DVL2: variants seen among roughly 807,000 people sequenced by gnomAD.
DVL2 encodes the protein dishevelled segment polarity protein 2, also known as segment polarity protein dishevelled homolog DVL-2.
A neutral mutation model predicts 69.8 loss-of-function variants in DVL2; 38 were observed. The ratio of observed to expected loss-of-function variants is 0.54; its 90% confidence interval spans 0.42 to 0.71. The LOEUF (loss-of-function observed/expected upper bound fraction) is 0.71. Among genes scored for constraint, DVL2 ranks in the 30% least tolerant of loss-of-function variants. The probability of loss-of-function intolerance (pLI) is 0.00; values close to 1 mark genes in which losing one functional copy is unlikely to be tolerated. For synonymous variants in DVL2, 428 were observed against 392.4 expected, an observed-to-expected ratio of 1.09 and a Z score of -1.07; for missense variants, 931 against 1,008.1, an observed-to-expected ratio of 0.92 and a Z score of 1.04.
At position 7,230,148 on chromosome 17, in the gene DVL2, C is replaced by G; in HGVS notation, c.418G>C (p.Val140Leu). The G allele has an allele frequency of 6.2e-7, 1 of 1,614,026 alleles. No individual in the cohort carries two copies. Among genetic ancestry groups the G allele is most frequent in the South Asian group, 1.1e-5 (1 of 91,068 alleles). The change falls in exon 4 of 15, where the codon GTG becomes CTG. Residue 140 changes from valine (V) to leucine (L), a missense_variant. By Grantham distance (32) the Val-to-Leu change is conservative. This residue lies in a region of DVL2 where 555 missense variants were observed against 588.8 expected (regional missense o/e 0.94). Coordinates refer to ENST00000005340, the MANE Select transcript of DVL2 (RefSeq NM_004422.3). Reference sequence around the variant, plus strand: ...TCCAGATTCTCATGGCTGCTGGACACATTAGGGCTGGACAGGCAGAGATGG... The same window carrying G: ...TCCAGATTCTCATGGCTGCTGGACAGATTAGGGCTGGACAGGCAGAGATGG... The part of the protein sequence containing the change: ...DSRPPSFHPN[V>L]SSSHENLEPE...
At position 7,227,193 on chromosome 17, in the gene DVL2, G is replaced by A. The variant is rs144711503; in HGVS notation, c.1440C>T (p.Ser480=). 36 of 1,613,786 alleles carry A rather than the reference G, an allele frequency of 2.2e-5. No individual in the cohort carries two copies. The highest frequency in any genetic ancestry group is 1.5e-4 in the African/African-American group (11 of 74,948). The change falls in exon 13 of 15, where the codon AGC becomes AGT. Residue 480 remains serine, a synonymous_variant. Coordinates refer to ENST00000005340, the MANE Select transcript of DVL2 (RefSeq NM_004422.3). ...GGATCAGGCCTGCTTTGAGCAGCCC[G>A]CTGGCATACTTGCGGGCCTCCCGCC... ...PERREARKYA[S]GLLKAGLIRH...
At chr17:7,233,874 T>A in intron 1 of DVL2, 195 bp downstream of exon 1, 1 of 658,576 alleles carries the variant, frequency 1.5e-6, no homozygotes, top group Non-Finnish European at 2.7e-6. Flanking sequence ...GATATCCTAG[T>A]CTGTCCGTGT....
rs1009154747 is a variant in DVL2 at position 7,229,579 on chromosome 17, AC to A, written c.747+8del. ...TCCCAGCACCAGCCTTCCTGTAGGA[AC>A]CCCTCACCCTCTCCAGGCGGGGTGG... is the stretch of plus-strand genomic sequence containing the variant. On this transcript the variant is annotated splice_region_variant and intron_variant, in intron 6 of 14. Transcript: ENST00000005340. This position sits in a 1 kb window ranked among gnomAD's most constrained non-coding sequence, Gnocchi z 4.4. The A allele has an allele frequency of 6.4e-7, 1 of 1,571,670 alleles. No homozygotes were observed. The highest frequency in any genetic ancestry group is 8.6e-7 in the Non-Finnish European group (1 of 1,160,922).
At position 7,230,159 on chromosome 17, in the gene DVL2, G is replaced by T; in HGVS notation, c.411-4C>A. The T allele has an allele frequency of 6.2e-7, 1 of 1,613,670 alleles. No homozygotes were observed. The highest frequency in any genetic ancestry group is 8.5e-7 in the Non-Finnish European group (1 of 1,179,730). Reference sequence around the variant, plus strand: ...ATGGCTGCTGGACACATTAGGGCTGGACAGGCAGAGATGGTTTCCAACCCA... The same window carrying T: ...ATGGCTGCTGGACACATTAGGGCTGTACAGGCAGAGATGGTTTCCAACCCA... On this transcript the variant is annotated splice_polypyrimidine_tract_variant and splice_region_variant and intron_variant, in intron 3 of 14. Transcript: ENST00000005340.
At position 7,229,825 on chromosome 17, in the gene DVL2, C is replaced by T; in HGVS notation, c.639G>A (p.Glu213=). ...LESTSLGDSD[E]EDTMSRFSSS... is the part of the protein sequence containing the mutation. ...AGCCACACCTGCTCATGGTGTCCTC[C>T]TCGTCCGAGTCCCCCAGGCTGGTAC... The change falls in exon 5 of 15, where the codon GAG becomes GAA. Residue 213 remains glutamate (E), a synonymous_variant. Coordinates refer to ENST00000005340, the MANE Select transcript of DVL2 (RefSeq NM_004422.3). This position sits in a 1 kb window ranked among gnomAD's most constrained non-coding sequence, Gnocchi z 4.4. 3.7e-6 allele frequency: 6 copies of T among 1,612,230 alleles called. No homozygotes were observed. The highest frequency in any genetic ancestry group is 5.1e-6 in the Non-Finnish European group (6 of 1,179,616).
At chr17:7,233,599 C>T (rs748764105) in intron 1 of DVL2, among the ~76,000 whole-genome samples, 5 of 152,154 alleles carry the variant, frequency 3.3e-5, no homozygotes, top group Non-Finnish European at 7.4e-5. Context: ...CGCGTGCCCC[C>T]ACGCCCGGCT....
At chr17:7,233,486 C>T (rs2071579425) in intron 1 of DVL2, among the ~76,000 whole-genome samples, 1 of 152,102 alleles carries the variant, frequency 6.6e-6, no homozygotes, top group Non-Finnish European at 1.5e-5. Context: ...CACTGTCGCC[C>T]AGGCTGGAGT....
chr17:7,233,960 C>A, intron 1 of DVL2, 109 bp downstream of exon 1: 1 of 1,223,282 alleles, frequency 8.2e-7, no homozygotes, highest in Non-Finnish European at 1.2e-6. Context: ...ATCTGCTCCA[C>A]CATAGGCCAG....
intron 1 of DVL2, 59 bp downstream of exon 1, chr17:7,234,010 A>T: frequency 6.3e-7 from 1 of 1,577,754 alleles, no homozygotes; most frequent in Admixed American, 1.7e-5. Context: ...GTGCCCCTCC[A>T]TGTCGCCCAA....
Position 7,225,975 on chromosome 17 carries a change from C to A in DVL2, c.2101G>T (p.Ala701Ser), listed in dbSNP as rs2071437493. The A allele has an allele frequency of 6.2e-7, 1 of 1,613,506 alleles. No individual in the cohort carries two copies. The highest frequency in any genetic ancestry group is 8.5e-7 in the Non-Finnish European group (1 of 1,179,914). Residue 701 changes from alanine (A) to serine (S), a missense_variant, in exon 15 of 15, where the codon GCC becomes TCC. By Grantham distance (99) the Ala-to-Ser change is moderately conservative. Coordinates refer to ENST00000005340, the MANE Select transcript of DVL2 (RefSeq NM_004422.3). The stretch of plus-strand genomic sequence containing the variant: ...GAGCCCAGGTCTCTGACTGGAGGGG[C>A]CCCCGGAGGCTGCACTGCTGGAGGG... ...PVPPAVQPPGAPPVRDLGSVP... is the reference protein window; with the variant it reads ...PVPPAVQPPGSPPVRDLGSVP...
chr17:7,226,568 G>A lies in DVL2; in HGVS notation c.1615C>T (p.Leu539=). ...GASDQDTLAP[L]PGATPWPLLP... is the part of the protein sequence containing the mutation. Reference sequence around the variant, plus strand: ...AGGGGCCAGGGGGTGGCCCCAGGCAGAGGAGCCAGGGTATCCTGGTCTGAA... The same window carrying A: ...AGGGGCCAGGGGGTGGCCCCAGGCAAAGGAGCCAGGGTATCCTGGTCTGAA... The change falls in exon 14 of 15, where the codon CTG becomes TTG. Residue 539 remains leucine, a synonymous_variant. Coordinates refer to ENST00000005340, the MANE Select transcript of DVL2 (RefSeq NM_004422.3). 3 of 1,608,374 alleles carry A rather than the reference G, an allele frequency of 1.9e-6. No homozygotes were observed. Among genetic ancestry groups the A allele is most frequent in the Non-Finnish European group, 1.7e-6 (2 of 1,177,724 alleles).
At position 7,230,423 on chromosome 17, in the gene DVL2, G is replaced by T. The variant is rs139045197; in HGVS notation, c.272C>A (p.Ser91Tyr). The T allele has an allele frequency of 4.0e-5, 65 of 1,614,042 alleles. No individual in the cohort carries two copies. Among genetic ancestry groups the T allele is most frequent in the Non-Finnish European group, 5.3e-5 (63 of 1,180,038 alleles). Residue 91 changes from serine (S) to tyrosine (Y), a missense_variant, in exon 3 of 15, where the codon TCC becomes TAC. This residue lies in a region of DVL2 where 555 missense variants were observed against 588.8 expected (regional missense o/e 0.94). Transcript: ENST00000005340. ...FNGRVVSWLVSSDNPQPEMAP... is the reference protein window; with the variant it reads ...FNGRVVSWLVYSDNPQPEMAP... Reference sequence around the variant, plus strand: ...CATCTCGGGTTGGGGATTATCTGAGGACACCAGCTAGAAGGGTGCAAATGA... The same window carrying T: ...CATCTCGGGTTGGGGATTATCTGAGTACACCAGCTAGAAGGGTGCAAATGA...
chr17:7,230,395 G>T lies in DVL2; in HGVS notation c.300C>A (p.Ala100=). The change falls in exon 3 of 15, where the codon GCC becomes GCA. Residue 100 remains alanine (A), a synonymous_variant. Transcript: ENST00000005340. ...VSSDNPQPEM[A]PPVHEPRAEL... ...CTGCCCGAGGCTCATGGACTGGAGG[G>T]GCCATCTCGGGTTGGGGATTATCTG... The T allele has an allele frequency of 1.9e-6, 3 of 1,614,176 alleles. No individual in the cohort carries two copies. Among genetic ancestry groups the T allele is most frequent in the Non-Finnish European group, 2.5e-6 (3 of 1,180,030 alleles).
chr17:7,230,515 C>G, intron 2 of DVL2, 85 bp from the exon 3 acceptor site: 2 of 1,556,304 alleles, frequency 1.3e-6, no homozygotes, highest in South Asian at 2.3e-5. Context: ...GAGAAAGGGT[C>G]TCAGAGAGCT....
Position 7,225,672 on chromosome 17 carries a change from T to C in DVL2, c.*193A>G, listed in dbSNP as rs1364288417. ...TATAAAAAAACAAAGCTAAAAATAA[T>C]CAAAGGTCCCTTGTCTACCCCTGAG... On this transcript the variant is annotated 3_prime_UTR_variant, in exon 15 of 15. Coordinates refer to ENST00000005340, the MANE Select transcript of DVL2 (RefSeq NM_004422.3). 1.9e-5 allele frequency: 11 copies of C among 576,954 alleles called. No homozygotes were observed. Among genetic ancestry groups the C allele is most frequent in the Non-Finnish European group, 2.7e-5 (9 of 328,550 alleles). The allele number at this position is 576,954 out of a possible 1,614,324, so 35.7% of individuals were successfully genotyped here.
intron 9 of DVL2, chr17:7,228,704 C>T: frequency 2.3e-6 from 1 of 435,254 alleles, no homozygotes; most frequent in South Asian, 2.5e-5. Flanking sequence ...GTCTCAGCCA[C>T]CTCACTAGCT....
chr17:7,225,445 G>A lies in DVL2; in HGVS notation c.*420C>T. The A allele has an allele frequency of 2.3e-6, 1 of 440,030 alleles. No individual in the cohort carries two copies. The highest frequency in any genetic ancestry group is 4.2e-6 in the Non-Finnish European group (1 of 239,364). 27.3% of individuals were successfully genotyped at this position (440,030 alleles called of 1,614,324 possible). On this transcript the variant is annotated 3_prime_UTR_variant, in exon 15 of 15. Coordinates refer to ENST00000005340, the MANE Select transcript of DVL2 (RefSeq NM_004422.3). Reference sequence around the variant, plus strand: ...CCAAATCTCCCAGCTTCCTCAGGCTGCTGTCTAGGATGCCTAACCCCGGGG... The same window carrying A: ...CCAAATCTCCCAGCTTCCTCAGGCTACTGTCTAGGATGCCTAACCCCGGGG...
chr17:7,233,967 C>T (rs2071591885), intron 1 of DVL2, 102 bp downstream of exon 1: 5 of 1,282,738 alleles, frequency 3.9e-6, no homozygotes, highest in African/African-American at 1.5e-5. Context: ...CCACCATAGG[C>T]CAGAAAATCC....
intron 13 of DVL2, 28 bp downstream of exon 13, chr17:7,227,062 C>T: frequency 6.3e-7 from 1 of 1,585,162 alleles, no homozygotes; most frequent in South Asian, 1.2e-5. Flanking sequence ...CAAAGCCACA[C>T]TCCCAGAGTT....
Sources: gnomAD v4.1 joint callset for allele counts (sites outside exome capture counted in the v4.1 genomes callset) on GRCh38, gnomAD v4.1.1 for gene constraint, gnomAD v4.1.1 regional missense constraint, Gnocchi (gnomAD v3.1) non-coding constraint, MANE v1.5 for transcripts, NCBI Gene and HGNC (gene_info 2026-07-23, HGNC 2026-07-21) for gene names.